The following SVEP1 variants were observed in gnomAD, a reference collection of about 807,000 sequenced individuals.
SVEP1 encodes the protein sushi, von Willebrand factor type A, EGF and pentraxin domain containing 1, also known as sushi, von Willebrand factor type A, EGF and pentraxin domain-containing protein 1.
A neutral mutation model predicts 367.3 loss-of-function variants in SVEP1; 164 were observed. The observed-to-expected ratio is 0.45, with a 90% CI of 0.39 to 0.51. SVEP1 has a LOEUF of 0.51. Among genes scored for constraint, SVEP1 ranks in the 20% least tolerant of loss-of-function variants. The pLI, the probability that SVEP1 is intolerant of heterozygous loss-of-function variation, is 0.00. For missense variants in SVEP1, 4,117 were observed against 4,425.3 expected (o/e 0.93, Z 1.98); for synonymous variants, 1,666 against 1,611.6 (o/e 1.03, Z -0.81).
At chr9:110,550,376 T>C (rs1830269215) in intron 1 of SVEP1, among the ~76,000 whole-genome samples, 2 of 152,220 alleles carry the variant, frequency 1.3e-5, no homozygotes, top group African/African-American at 4.8e-5. Context: ...CAAACACTTA[T>C]GGAATGAATT....
chr9:110,555,772 G>A (rs1487539604), intron 1 of SVEP1, among the ~76,000 whole-genome samples: 2 of 152,148 alleles, frequency 1.3e-5, no homozygotes, highest in Admixed American at 6.5e-5. Flanking sequence ...TGCACTTTAA[G>A]GATAGAGGAG....
intron 40 of SVEP1, among the ~76,000 whole-genome samples, chr9:110,396,554 C>A (rs961494078): frequency 2.6e-5 from 4 of 151,924 alleles, no homozygotes; most frequent in African/African-American, 9.7e-5. Flanking sequence ...ATTAATGAAT[C>A]CAGGAGCTGG....
chr9:110,515,367 C>T (rs962232662), intron 3 of SVEP1, among the ~76,000 whole-genome samples: 4 of 144,634 alleles, frequency 2.8e-5, no homozygotes, highest in Admixed American at 7.2e-5. Flanking sequence ...GTGGTGCGGT[C>T]TCGGCTCACT....
chr9:110,434,467 G>A lies in SVEP1; in HGVS notation c.4928C>T (p.Thr1643Ile), dbSNP rs190970483. ...ACCTGGCTTTAAATCTTCAGATGCA[G>A]TTCTCAGATGAGGCACTGACCCTCC... ...RLGGSVPHLR[T>I]ASEDLKPGSK... Residue 1643 changes from threonine to isoleucine, a missense_variant, in exon 30 of 48, where the codon ACT (threonine) becomes ATT (isoleucine). By Grantham distance (89) the Thr-to-Ile change is moderately conservative (BLOSUM62 -1). Around this residue, in one of 4 missense-constraint regions of SVEP1, gnomAD observed 2,174 missense variants for 2,494.3 expected, o/e 0.87. Coordinates refer to ENST00000374469, the MANE Select transcript of SVEP1 (RefSeq NM_153366.4). 51 of 1,613,434 alleles carry A rather than the reference G, an allele frequency of 3.2e-5. No individual in the cohort carries two copies. In the Admixed American group the frequency reaches 6.2e-4, roughly 20 times the overall value.
chr9:110,408,360 G>C lies in SVEP1; in HGVS notation c.7240C>G (p.Leu2414Val), dbSNP rs756535831. The change falls in exon 38 of 48, where the codon CTA becomes GTA. Residue 2414 changes from leucine to valine, a missense_variant. Physicochemically the swap from Leu to Val is conservative, Grantham distance 32 (BLOSUM62 1). Coordinates refer to ENST00000374469, the MANE Select transcript of SVEP1 (RefSeq NM_153366.4). ...VKYSCVGGFF[L>V]RGNSTTLCQP... ...CAGAGGGTGGTAGAATTTCCTCTTA[G>C]GAAAAACCCACCTACACAAGAATAC... The C allele has an allele frequency of 6.2e-7, 1 of 1,613,850 alleles. No homozygotes were observed. The highest frequency in any genetic ancestry group is 1.3e-5 in the African/African-American group (1 of 75,026).
rs1236460405 is a variant in SVEP1 at position 110,408,967 on chromosome 9, A to C, written c.6649-16T>G. On this transcript the variant is annotated splice_polypyrimidine_tract_variant and intron_variant, in intron 37 of 47. Coordinates refer to ENST00000374469, the MANE Select transcript of SVEP1 (RefSeq NM_153366.4). ...CAGTTGTATGCTGTGCAACAGGAAGAAAGCAAGTGAGTGCGATTTGTATAA... is the reference window on the plus strand; with the variant it reads ...CAGTTGTATGCTGTGCAACAGGAAGCAAGCAAGTGAGTGCGATTTGTATAA... 6 of 1,539,838 alleles carry C rather than the reference A, an allele frequency of 3.9e-6. No individual in the cohort carries two copies. Among genetic ancestry groups the C allele is most frequent in the Non-Finnish European group, 5.2e-6 (6 of 1,146,922 alleles).
chr9:110,404,435 G>A lies in SVEP1; in HGVS notation c.9558C>T (p.Asn3186=). Residue 3186 remains asparagine (N), a synonymous_variant, in exon 39 of 48, where the codon AAC becomes AAT. Transcript: ENST00000374469. ...CCCCATGTACAAGTATATGTGTTAT[G>A]TTTTCCGGGAGAGGACATTTTTTAG... ...CSPKKCPLPE[N]ITHILVHGDD... 6.2e-7 allele frequency: 1 copy of A among 1,613,992 alleles called. No homozygotes were observed. The highest frequency in any genetic ancestry group is 1.1e-5 in the South Asian group (1 of 91,086).
intron 29 of SVEP1, 130 bp from the exon 30 acceptor site, chr9:110,434,636 T>C (rs1243854396): frequency 4.0e-6 from 1 of 251,272 alleles, no homozygotes; most frequent in Admixed American, 9.9e-5. Context: ...CAAGTTAACA[T>C]GTAACCAGAT....
chr9:110,446,078 A>G (rs781339796), intron 25 of SVEP1, 40 bp from the exon 26 acceptor site: 2 of 1,544,504 alleles, frequency 1.3e-6, no homozygotes, highest in Admixed American at 1.9e-5. Flanking sequence ...GTGGCACTTG[A>G]AAGACATTTC....
At position 110,579,080 on chromosome 9, in the gene SVEP1, T is replaced by C. The variant is rs370719625; in HGVS notation, c.464A>G (p.Gln155Arg). 3.2e-6 allele frequency: 5 copies of C among 1,551,096 alleles called. No individual in the cohort carries two copies. The South Asian group carries it at 3.6e-5, about 11-fold the overall frequency. Residue 155 changes from glutamine (Q) to arginine (R), a missense_variant, in exon 1 of 48, where the codon CAA becomes CGA. Gln to Arg is a conservative substitution (Grantham distance 43). This residue lies in a region of SVEP1 where 2,174 missense variants were observed against 2,494.3 expected (regional missense o/e 0.87). Transcript: ENST00000374469. This position sits in a 1 kb window ranked among gnomAD's most constrained non-coding sequence, Gnocchi z 5.3. Reference sequence around the variant, plus strand: ...TCGGTAGGAGATGGCAGGGATCTCTTGGAGGAGCAGCGCGCACTTGTGCTG... The same window carrying C: ...TCGGTAGGAGATGGCAGGGATCTCTCGGAGGAGCAGCGCGCACTTGTGCTG... ...ARQHKCALLL[Q>R]EIPAISYRGG...
intron 46 of SVEP1, among the ~76,000 whole-genome samples, chr9:110,372,684 T>C (rs1384808082): frequency 1.3e-5 from 2 of 152,134 alleles, no homozygotes; most frequent in East Asian, 3.9e-4. Context: ...GAGGCTAGAA[T>C]AGGTGGAGGA....
At chr9:110,455,538 T>A in intron 22 of SVEP1, 52 bp downstream of exon 22, 1 of 1,340,012 alleles carries the variant, frequency 7.5e-7, no homozygotes, top group Non-Finnish European at 1.0e-6. Context: ...AGTGATGAAA[T>A]GTTAATGATT....
chr9:110,579,730 T>C lies in SVEP1; in HGVS notation c.-187A>G. The C allele has an allele frequency of 3.1e-6, 2 of 641,146 alleles. No individual in the cohort carries two copies. Among genetic ancestry groups the C allele is most frequent in the Non-Finnish European group, 4.8e-6 (2 of 414,208 alleles). 39.7% of individuals were successfully genotyped at this position (641,146 alleles called of 1,614,324 possible). A position where few individuals can be genotyped will look rare whatever the true frequency, so the allele number is the denominator to read the frequency against. On this transcript the variant is annotated 5_prime_UTR_variant, in exon 1 of 48. Coordinates refer to ENST00000374469, the MANE Select transcript of SVEP1 (RefSeq NM_153366.4). This position sits in a 1 kb window ranked among gnomAD's most constrained non-coding sequence, Gnocchi z 5.3. ...CCAGACTCCTCAGCAGCTCGGGAAC[T>C]CCGGAGGGAACGGCGCGCGCTCTCT...
intron 6 of SVEP1, among the ~76,000 whole-genome samples, chr9:110,501,101 A>T (rs1829522289): frequency 6.8e-6 from 1 of 146,072 alleles, no homozygotes; most frequent in Non-Finnish European, 1.5e-5. Context: ...AATATAATTA[A>T]TATACATATA....
At chr9:110,416,159 T>A (rs755520558) in intron 36 of SVEP1, among the ~76,000 whole-genome samples, 26 of 151,836 alleles carry the variant, frequency 1.7e-4, no homozygotes, top group Non-Finnish European at 3.1e-4. Context: ...ATATTTTCCA[T>A]CACAAATGGG....
intron 6 of SVEP1, among the ~76,000 whole-genome samples, chr9:110,500,622 C>A (rs906347705): frequency 6.6e-6 from 1 of 151,968 alleles, no homozygotes; most frequent in Non-Finnish European, 1.5e-5. Context: ...GAATTTATTT[C>A]TGTGTTCAGT....
At position 110,501,761 on chromosome 9, in the gene SVEP1, TAATG is replaced by T. The variant is rs771969566; in HGVS notation, c.1483+1273_1483+1276del. On this transcript the variant is annotated intron_variant, in intron 6 of 47. Coordinates refer to ENST00000374469, the MANE Select transcript of SVEP1 (RefSeq NM_153366.4). ...TTTACTGAAAATGTGTTTTAAATGA[TAATG>T]AATGAATTTTTATCTTCTACTAAGC... Among the ~76,000 whole-genome samples, 169 of 152,200 alleles carry T rather than the reference TAATG, an allele frequency of 1.1e-3. 2 individuals carry two copies. The highest frequency in any genetic ancestry group is 8.5e-4 in the Non-Finnish European group (58 of 68,026).
rs533939237 is a variant in SVEP1 at position 110,414,299 on chromosome 9, T to C, written c.5976-2564A>G. On this transcript the variant is annotated intron_variant, in intron 36 of 47. Coordinates refer to ENST00000374469, the MANE Select transcript of SVEP1 (RefSeq NM_153366.4). ...TAACTGACAATATTTATGAAATCTA[T>C]AAGAGACAGAGAAATCAGGAAAAAA... Among the ~76,000 whole-genome samples, 169 of 152,086 alleles carry C rather than the reference T, an allele frequency of 1.1e-3. 2 individuals are homozygous for C. The highest frequency in any genetic ancestry group is 3.8e-3 in the African/African-American group (158 of 41,374).
At chr9:110,405,144 ATAT>A (rs1409247584) in intron 38 of SVEP1, among the ~76,000 whole-genome samples, 1 of 152,216 alleles carries the variant, frequency 6.6e-6, no homozygotes, top group South Asian at 2.1e-4. Context: ...CTTATTGTGG[ATAT>A]TATTATTATT....
Sources: allele counts gnomAD v4.1 joint callset (sites outside exome capture counted in the v4.1 genomes callset), GRCh38; gene constraint gnomAD v4.1.1; regional missense constraint gnomAD v4.1.1; non-coding constraint Gnocchi (gnomAD v3.1); transcripts MANE v1.5; gene names NCBI Gene and HGNC (gene_info 2026-07-23, HGNC 2026-07-21).